Variants in KLF12 observed in about 807,000 individuals in gnomAD.
The protein encoded by KLF12 is KLF transcription factor 12, also known as Krueppel-like factor 12.
KLF12 carries 9 observed loss-of-function variants against 37.8 expected under a neutral mutation model. The observed-to-expected ratio is 0.24, with a 90% CI of 0.14 to 0.42. The LOEUF (loss-of-function observed/expected upper bound fraction) is 0.42, where lower values mean the gene tolerates loss of function less well. Ranked by LOEUF, KLF12 falls within the 10% of genes least tolerant of loss-of-function variation. KLF12 has a pLI of 1.00. For synonymous variants in KLF12, 208 were observed against 202.1 expected (o/e 1.03, Z -0.25); for missense variants, 411 against 516.0 (o/e 0.80, Z 1.97).
At chr13:74,022,057 A>C (rs2138428977) in intron 1 of KLF12, among the ~76,000 whole-genome samples, 1 of 152,242 alleles carries the variant, frequency 6.6e-6, no homozygotes, top group Non-Finnish European at 1.5e-5. Flanking sequence ...CATGCAAAAG[A>C]CCTGCTTTAA....
chr13:73,910,492 G>C (rs1407258988), intron 3 of KLF12, among the ~76,000 whole-genome samples: 4 of 152,016 alleles, frequency 2.6e-5, no homozygotes, highest in African/African-American at 4.8e-5. Flanking sequence ...AACATTTTTA[G>C]GTAGTGGAAA....
intron 3 of KLF12, among the ~76,000 whole-genome samples, chr13:73,882,384 T>C (rs1411868115): frequency 6.6e-6 from 1 of 152,186 alleles, no homozygotes; most frequent in African/African-American, 2.4e-5. Context: ...ACGTGGAATA[T>C]ACAAAAACAG....
At chr13:74,081,480 A>G (rs935161419) in intron 1 of KLF12, among the ~76,000 whole-genome samples, 1 of 152,332 alleles carries the variant, frequency 6.6e-6, no homozygotes, top group African/African-American at 2.4e-5. Flanking sequence ...GACCATGCTT[A>G]ATAGTATTAC....
chr13:74,292,163 C>A, the KLF12 span, among the ~76,000 whole-genome samples: 1 of 152,102 alleles, frequency 6.6e-6, no homozygotes, highest in East Asian at 1.9e-4. Flanking sequence ...GTATTTCTAC[C>A]AACAAAGTGC....
the KLF12 span, among the ~76,000 whole-genome samples, chr13:74,266,339 A>G: frequency 6.6e-6 from 1 of 152,196 alleles, no homozygotes. Flanking sequence ...TGGTAGGACT[A>G]AATACCTGGC....
intron 5 of KLF12, among the ~76,000 whole-genome samples, chr13:73,806,730 A>G (rs1218667774): frequency 6.6e-6 from 1 of 151,928 alleles, no homozygotes; most frequent in Admixed American, 6.5e-5. Context: ...CCGCTTCTTT[A>G]TCTGTAGGAT....
the KLF12 span, among the ~76,000 whole-genome samples, chr13:74,252,675 A>G: frequency 3.3e-5 from 5 of 152,238 alleles, no homozygotes; most frequent in African/African-American, 9.6e-5. Flanking sequence ...AATCATGATT[A>G]TATAAGGCAA....
At chr13:74,008,628 T>C (rs1892474829) in intron 1 of KLF12, among the ~76,000 whole-genome samples, 1 of 152,264 alleles carries the variant, frequency 6.6e-6, no homozygotes, top group South Asian at 2.1e-4. Context: ...AATTGGCAAG[T>C]CAGTTAAACT....
intron 2 of KLF12, among the ~76,000 whole-genome samples, chr13:73,966,313 TTC>T (rs1055877077): frequency 6.6e-6 from 1 of 151,142 alleles, no homozygotes; most frequent in African/African-American, 2.5e-5. Flanking sequence ...AGCTTTACTT[TTC>T]TCTCTGTTTT....
At chr13:74,148,856 C>A in the KLF12 span, among the ~76,000 whole-genome samples, 1 of 151,564 alleles carries the variant, frequency 6.6e-6, no homozygotes, top group Middle Eastern at 3.4e-3. Flanking sequence ...ACTCTGTCAC[C>A]CAGGCTGGAG....
chr13:73,707,299 T>G (rs1566309376), intron 7 of KLF12, among the ~76,000 whole-genome samples: 1 of 152,206 alleles, frequency 6.6e-6, no homozygotes, highest in Non-Finnish European at 1.5e-5. Flanking sequence ...GAGGTATGTT[T>G]GTGTTCAAAG....
chr13:73,848,587 T>TATATATAATACATATAGC (rs1352481792), intron 3 of KLF12, among the ~76,000 whole-genome samples: 1 of 148,222 alleles, frequency 6.7e-6, no homozygotes, highest in Non-Finnish European at 1.5e-5. Context: ...TATAGCATAT[T>TATATATAATACATATAGC]ATATATAATA....
intron 1 of KLF12, among the ~76,000 whole-genome samples, chr13:74,041,477 T>C (rs1184306533): frequency 6.6e-6 from 1 of 152,114 alleles, no homozygotes; most frequent in Non-Finnish European, 1.5e-5. Context: ...CCAACATTCA[T>C]GTTAAGATGC....
chr13:74,239,512 C>A, the KLF12 span, among the ~76,000 whole-genome samples: 1 of 118,358 alleles, frequency 8.4e-6, no homozygotes, highest in Non-Finnish European at 1.7e-5. Flanking sequence ...CTTTCTGTCT[C>A]GTTGATCTGT....
intron 5 of KLF12, among the ~76,000 whole-genome samples, chr13:73,777,778 T>G (rs532604968): frequency 6.6e-6 from 1 of 151,490 alleles, no homozygotes; most frequent in South Asian, 2.1e-4. Flanking sequence ...TGAAAAAGAC[T>G]AATATCTAGG....
chr13:74,098,028 C>T (rs1290677396), intron 1 of KLF12, among the ~76,000 whole-genome samples: 1 of 152,040 alleles, frequency 6.6e-6, no homozygotes, highest in East Asian at 1.9e-4. Flanking sequence ...CTACTACTAG[C>T]CTCGACTATC....
chr13:74,034,620 T>C lies in KLF12; in HGVS notation c.-31-39567A>G, dbSNP rs372341534. Among the ~76,000 whole-genome samples, 20 of 152,368 alleles carry C rather than the reference T, an allele frequency of 1.3e-4. No homozygotes were observed. In the East Asian group the frequency reaches 3.3e-3, roughly 25 times the overall value. ...GGAGTCACCATTCAGAAAGTTCTTCTCTATTCCAGATTTACAAAGATATTC... is the reference window on the plus strand; with the variant it reads ...GGAGTCACCATTCAGAAAGTTCTTCCCTATTCCAGATTTACAAAGATATTC... On this transcript the variant is annotated intron_variant, in intron 1 of 7. Transcript: ENST00000377669.
chr13:74,275,807 CTTCTTTCT>C, the KLF12 span, among the ~76,000 whole-genome samples: 2,271 of 49,716 alleles, frequency 0.046, 55 homozygotes, highest in Middle Eastern at 0.058. Context: ...TCTTTCTTTC[CTTCTTTCT>C]TTCTTTCTTT....
chr13:74,065,023 AAAAC>A (rs1358007621), intron 1 of KLF12, among the ~76,000 whole-genome samples: 1 of 152,168 alleles, frequency 6.6e-6, no homozygotes, highest in Non-Finnish European at 1.5e-5. Context: ...AATTCAAACA[AAAAC>A]ACACACTTCA....
Sources: allele counts gnomAD v4.1 joint callset (sites outside exome capture counted in the v4.1 genomes callset), GRCh38; gene constraint gnomAD v4.1.1; transcripts MANE v1.5; gene names NCBI Gene and HGNC (gene_info 2026-07-23, HGNC 2026-07-21).